Variants in PKHD1L1 observed in about 807,000 individuals in gnomAD.
The protein encoded by PKHD1L1 is fibrocystin-L.
PKHD1L1 carries 434 observed loss-of-function variants against 462.9 expected under a neutral mutation model. The observed-to-expected ratio is 0.94, with a 90% CI of 0.87 to 1.02. PKHD1L1 has a LOEUF of 1.02. PKHD1L1 is among the 50% of genes least tolerant of loss of function. The pLI, the probability that PKHD1L1 is intolerant of heterozygous loss-of-function variation, is 0.00. For synonymous variants in PKHD1L1, 1,781 were observed against 1,750.0 expected (o/e 1.02, Z -0.44); for missense variants, 5,202 against 5,096.1 (o/e 1.02, Z -0.63).
intron 56 of PKHD1L1, 40 bp from the exon 57 acceptor site, chr8:109,482,947 C>A: frequency 7.6e-7 from 1 of 1,314,954 alleles, no homozygotes; most frequent in East Asian, 2.5e-5. Flanking sequence ...TAACTCAGTA[C>A]TGTGGGGTGA....
intron 74 of PKHD1L1, 63 bp from the exon 75 acceptor site, chr8:109,522,681 A>G: frequency 6.8e-7 from 1 of 1,464,516 alleles, no homozygotes; most frequent in Non-Finnish European, 9.1e-7. Flanking sequence ...CCTGGCTAAA[A>G]TGAGTTTGCT....
intron 50 of PKHD1L1, chr8:109,470,943 A>G: frequency 1.2e-6 from 2 of 1,609,106 alleles, no homozygotes; most frequent in Non-Finnish European, 1.7e-6. Flanking sequence ...TTTCTGAACA[A>G]CAGTGGGGAG....
chr8:109,481,320 C>T (rs1818259821), intron 55 of PKHD1L1, 113 bp from the exon 56 acceptor site: 2 of 974,770 alleles, frequency 2.1e-6, no homozygotes, highest in South Asian at 2.0e-5. Context: ...CTTTATATAA[C>T]AAAACTCATT....
chr8:109,447,076 A>T (rs2130767404), intron 38 of PKHD1L1, among the ~76,000 whole-genome samples: 1 of 152,242 alleles, frequency 6.6e-6, no homozygotes, highest in South Asian at 2.1e-4. Flanking sequence ...ACAAAAAATT[A>T]GCCAGGCATG....
chr8:109,391,049 A>G (rs960467298), intron 9 of PKHD1L1, among the ~76,000 whole-genome samples: 1 of 152,208 alleles, frequency 6.6e-6, no homozygotes, highest in African/African-American at 2.4e-5. Flanking sequence ...ATTTATAGAA[A>G]CATCAGAATA....
Position 109,459,630 on chromosome 8 carries a change from C to G in PKHD1L1, c.7040C>G (p.Ala2347Gly), listed in dbSNP as rs1356075257. Reference protein sequence around the residue: ...SQGENEKMTIASVSADGINIT... With the variant: ...SQGENEKMTIGSVSADGINIT... ...GGAGAGAATGAAAAAATGACCATTG[C>G]ATCTGTGTCTGCTGATGGCATAAAC... Residue 2347 changes from alanine to glycine, a missense_variant, in exon 47 of 78, where the codon GCA becomes GGA. By Grantham distance (60) the Ala-to-Gly change is moderately conservative. Coordinates refer to ENST00000378402, the MANE Select transcript of PKHD1L1 (RefSeq NM_177531.6). 2 of 1,585,392 alleles carry G rather than the reference C, an allele frequency of 1.3e-6. No homozygotes were observed. The highest frequency in any genetic ancestry group is 2.7e-5 in the African/African-American group (2 of 74,438).
chr8:109,493,774 C>T (rs770336277), intron 63 of PKHD1L1, 23 bp downstream of exon 63: 3 of 1,476,050 alleles, frequency 2.0e-6, no homozygotes, highest in African/African-American at 1.4e-5. Flanking sequence ...AACCAGGAAT[C>T]GCTAAAACTA....
chr8:109,426,971 C>T (rs1184973743), intron 24 of PKHD1L1, 31 bp from the exon 25 acceptor site: 2 of 1,199,762 alleles, frequency 1.7e-6, no homozygotes, highest in South Asian at 2.4e-5. Context: ...AATTGTGACT[C>T]CTGCTGTTTG....
At chr8:109,482,627 T>C (rs146885395) in intron 56 of PKHD1L1, among the ~76,000 whole-genome samples, 112 of 151,224 alleles carry the variant, frequency 7.4e-4, no homozygotes, top group African/African-American at 2.4e-3. Flanking sequence ...AACTTACAGA[T>C]AAAACTCTTT....
At chr8:109,446,315 A>G (rs1816137328) in intron 38 of PKHD1L1, among the ~76,000 whole-genome samples, 2 of 152,206 alleles carry the variant, frequency 1.3e-5, no homozygotes, top group South Asian at 4.1e-4. Flanking sequence ...ATAATAGTTG[A>G]GAGCTTGGCT....
rs368731219 is a variant in PKHD1L1, at chr8:109,449,507, A to G, written c.6175+20A>G. 2.1e-4 allele frequency: 330 copies of G among 1,557,222 alleles called. No homozygotes were observed. Among genetic ancestry groups the G allele is most frequent in the Non-Finnish European group, 2.8e-4 (319 of 1,150,362 alleles). ...ATAATGGTAAGTTGTCAGAAAAAGT[A>G]ATGGCAGTCTTTGAGAACTAGTTAA... On this transcript the variant is annotated intron_variant, in intron 40 of 77. Coordinates refer to ENST00000378402, the MANE Select transcript of PKHD1L1 (RefSeq NM_177531.6).
intron 71 of PKHD1L1, among the ~76,000 whole-genome samples, chr8:109,514,820 T>TTATA (rs1820178457): frequency 6.6e-6 from 1 of 152,130 alleles, no homozygotes; most frequent in Non-Finnish European, 1.5e-5. Flanking sequence ...TGTGGCTGCA[T>TTATA]TATACAGAGT....
chr8:109,491,779 T>C, intron 61 of PKHD1L1, 94 bp from the exon 62 acceptor site: 1 of 1,175,750 alleles, frequency 8.5e-7, no homozygotes. Flanking sequence ...AAAATAATTT[T>C]ATGGAAAAAT....
intron 39 of PKHD1L1, 132 bp downstream of exon 39, chr8:109,448,523 T>C (rs1816294770): frequency 8.6e-7 from 1 of 1,156,436 alleles, no homozygotes; most frequent in South Asian, 1.8e-5. Context: ...TTTGGTTTTT[T>C]TTTTTTGAGA....
chr8:109,480,373 C>T (rs1818216057), intron 55 of PKHD1L1, among the ~76,000 whole-genome samples: 1 of 151,966 alleles, frequency 6.6e-6, no homozygotes, highest in African/African-American at 2.4e-5. Flanking sequence ...GCAGTTGGCC[C>T]AGTTTCCATT....
At position 109,496,899 on chromosome 8, in the gene PKHD1L1, G is replaced by C; in HGVS notation, c.10328-20G>C. 1.3e-6 allele frequency: 2 copies of C among 1,598,342 alleles called. No individual in the cohort carries two copies. The highest frequency in any genetic ancestry group is 1.7e-6 in the Non-Finnish European group (2 of 1,170,794). ...CATGAAATGTAGTGTTCATTCTCTG[G>C]TTCTATATTTCCCTCCAAGGCCAGT... On this transcript the variant is annotated intron_variant, in intron 63 of 77. Coordinates refer to ENST00000378402, the MANE Select transcript of PKHD1L1 (RefSeq NM_177531.6).
chr8:109,497,436 T>C lies in PKHD1L1; in HGVS notation c.10599+164T>C, dbSNP rs867581546. Among the ~76,000 whole-genome samples, 689 of 148,764 alleles carry C rather than the reference T, an allele frequency of 4.6e-3. 6 individuals are homozygous for C. Among genetic ancestry groups the C allele is most frequent in the African/African-American group, 0.016 (652 of 40,360 alleles). On this transcript the variant is annotated intron_variant, in intron 65 of 77. Coordinates refer to ENST00000378402, the MANE Select transcript of PKHD1L1 (RefSeq NM_177531.6). ...CTCTGCCTAAAAAACCGTTCTTTTT[T>C]TTTTTTTTTTTTTTGAGATGGAGTC...
In PKHD1L1 at chr8:109,465,165, A is replaced by G; in HGVS notation, c.8333A>G (p.Gln2778Arg). The part of the protein sequence containing the change: ...GGWSAKFVDV[Q>R]YSHTPNKAGF... ...TGGAGTGCAAAGTTTGTTGACGTCCAGTATTCTCACACACCGAACAAGGCT... is the reference window on the plus strand; with the variant it reads ...TGGAGTGCAAAGTTTGTTGACGTCCGGTATTCTCACACACCGAACAAGGCT... The change falls in exon 49 of 78, where the codon CAG (glutamine) becomes CGG (arginine). Residue 2778 changes from glutamine (Q) to arginine (R), a missense_variant. Around this residue, in one of 3 missense-constraint regions of PKHD1L1, gnomAD observed 4,497 missense variants for 4,336.8 expected, o/e 1.04. Transcript: ENST00000378402. The G allele has an allele frequency of 6.2e-7, 1 of 1,613,796 alleles. No homozygotes were observed. Among genetic ancestry groups the G allele is most frequent in the Non-Finnish European group, 8.5e-7 (1 of 1,179,766 alleles).
At position 109,438,309 on chromosome 8, in the gene PKHD1L1, T is replaced by C; in HGVS notation, c.3628-15T>C. Reference sequence around the variant, plus strand: ...CAACAATTAATATTTTCTAATTTTTTTCCTCTTATTTTAGAAAACTGAGGG... The same window carrying C: ...CAACAATTAATATTTTCTAATTTTTCTCCTCTTATTTTAGAAAACTGAGGG... On this transcript the variant is annotated splice_polypyrimidine_tract_variant and intron_variant, in intron 30 of 77. Transcript: ENST00000378402. 1 of 1,450,460 alleles carries C rather than the reference T, an allele frequency of 6.9e-7. No individual in the cohort carries two copies. The highest frequency in any genetic ancestry group is 9.2e-7 in the Non-Finnish European group (1 of 1,081,566). 89.8% of individuals were successfully genotyped at this position (1,450,460 alleles called of 1,614,324 possible).
Sources: gnomAD v4.1 joint callset for allele counts (sites outside exome capture counted in the v4.1 genomes callset) on GRCh38, gnomAD v4.1.1 for gene constraint, gnomAD v4.1.1 regional missense constraint, MANE v1.5 for transcripts, NCBI Gene and HGNC (gene_info 2026-07-23, HGNC 2026-07-21) for gene names.